Variants in ATP2C1 observed in about 807,000 individuals in gnomAD.
ATP2C1 encodes the protein calcium-transporting ATPase type 2C member 1.
In ATP2C1, 31 loss-of-function variants were observed where a neutral mutation model predicts 120.5. The observed-to-expected ratio is 0.26, with a 90% confidence interval of 0.19 to 0.35. The LOEUF (loss-of-function observed/expected upper bound fraction) is 0.35, where lower values mean the gene tolerates loss of function less well. Among genes scored for constraint, ATP2C1 ranks in the 10% least tolerant of loss-of-function variants. ATP2C1 has a pLI of 1.00. For missense variants in ATP2C1, 731 were observed against 1,107.5 expected, an observed-to-expected ratio of 0.66 and a Z score of 4.83; for synonymous variants, 351 against 358.7, an observed-to-expected ratio of 0.98 and a Z score of 0.24.
At chr3:130,984,926 A>G (rs1276364979) in intron 20 of ATP2C1, among the ~76,000 whole-genome samples, 1 of 151,920 alleles carries the variant, frequency 6.6e-6, no homozygotes, top group Non-Finnish European at 1.5e-5. Flanking sequence ...ACAGAAAGAT[A>G]TAACATAGGA....
intron 1 of ATP2C1, chr3:130,867,900 G>C (rs1037628334): frequency 3.2e-5 from 7 of 215,426 alleles, no homozygotes; most frequent in Non-Finnish European, 6.6e-5. Context: ...GTCTCTGCCC[G>C]GCCGCCCATC....
At chr3:130,898,642 A>C (rs1268023267) in intron 2 of ATP2C1, among the ~76,000 whole-genome samples, 1 of 152,174 alleles carries the variant, frequency 6.6e-6, no homozygotes, top group African/African-American at 2.4e-5. Context: ...GTATGCAATA[A>C]CCTTCTGACA....
chr3:131,013,296 A>G (rs758704821), intron 26 of ATP2C1, among the ~76,000 whole-genome samples: 8 of 152,292 alleles, frequency 5.3e-5, no homozygotes, highest in Admixed American at 1.3e-4. Flanking sequence ...CATGATATGT[A>G]TATCTGATAT....
At chr3:130,950,418 A>G (rs2060321699) in intron 8 of ATP2C1, among the ~76,000 whole-genome samples, 1 of 152,062 alleles carries the variant, frequency 6.6e-6, no homozygotes, top group Non-Finnish European at 1.5e-5. Context: ...TCCCTCTCTC[A>G]TGAATGCAAT....
chr3:130,898,819 T>C (rs1223421690), intron 2 of ATP2C1, among the ~76,000 whole-genome samples: 2 of 152,152 alleles, frequency 1.3e-5, no homozygotes, highest in African/African-American at 4.8e-5. Context: ...CCATGATCTG[T>C]TTTGCAAGGT....
In ATP2C1 at chr3:130,990,070, T is replaced by G. The variant is rs145293018; in HGVS notation, c.1840-2881T>G. ...TTACAGTGCAGCTGAGTCTTTTGTT[T>G]AAGAAAATAATACTTTTTTTATTTA... On this transcript the variant is annotated intron_variant, in intron 20 of 27. Coordinates refer to ENST00000510168, the MANE Select transcript of ATP2C1 (RefSeq NM_001378687.1). Among the ~76,000 whole-genome samples the G allele has an allele frequency of 9.7e-3, 1,483 of 152,312 alleles. 15 individuals carry two copies. The highest frequency in any genetic ancestry group is 0.011 in the Non-Finnish European group (766 of 68,014).
chr3:130,928,356 C>T (rs533742057), intron 2 of ATP2C1: 4 of 152,064 alleles, frequency 2.6e-5, no homozygotes, highest in Admixed American at 6.6e-5. Context: ...GAAATAATAC[C>T]GTTTCCTACT....
chr3:130,944,645 A>G (rs1050753918), intron 8 of ATP2C1, among the ~76,000 whole-genome samples: 4 of 152,230 alleles, frequency 2.6e-5, no homozygotes, highest in African/African-American at 9.6e-5. Flanking sequence ...ACTTTTTGGG[A>G]TACATAGTTA....
At chr3:130,951,423 G>T (rs1426135451) in intron 8 of ATP2C1, among the ~76,000 whole-genome samples, 2 of 152,116 alleles carry the variant, frequency 1.3e-5, no homozygotes, top group Non-Finnish European at 2.9e-5. Flanking sequence ...AGGATTAAAT[G>T]TGATAATTTA....
intron 20 of ATP2C1, among the ~76,000 whole-genome samples, chr3:130,985,663 A>G (rs1181463316): frequency 6.6e-6 from 1 of 151,788 alleles, no homozygotes; most frequent in Non-Finnish European, 1.5e-5. Flanking sequence ...CCCACCAAAA[A>G]AAAAAACCAA....
intron 10 of ATP2C1, chr3:130,955,734 A>G (rs992878173): frequency 5.7e-5 from 13 of 229,570 alleles, no homozygotes; most frequent in Admixed American, 2.1e-4. Context: ...GGTTACTAGC[A>G]TGTTTGTGGA....
intron 2 of ATP2C1, among the ~76,000 whole-genome samples, chr3:130,909,074 C>A (rs919831213): frequency 1.3e-5 from 2 of 152,172 alleles, no homozygotes; most frequent in African/African-American, 4.8e-5. Context: ...CTGATTATGC[C>A]ACTGTTCTTT....
downstream of ATP2C1, among the ~76,000 whole-genome samples, chr3:131,007,233 A>T (rs2063150351): frequency 6.6e-6 from 1 of 152,200 alleles, no homozygotes; most frequent in South Asian, 2.1e-4. Context: ...GTGAACATAT[A>T]TGATGTAACA....
chr3:130,972,358 T>C (rs2061354289), intron 17 of ATP2C1, among the ~76,000 whole-genome samples: 1 of 152,160 alleles, frequency 6.6e-6, no homozygotes, highest in Non-Finnish European at 1.5e-5. Flanking sequence ...CTTTGTTCAT[T>C]GGAAGCACTT....
At chr3:130,927,488 G>A (rs530124451) in intron 2 of ATP2C1, among the ~76,000 whole-genome samples, 101 of 152,182 alleles carry the variant, frequency 6.6e-4, no homozygotes, top group South Asian at 2.3e-3. Flanking sequence ...TGAACCGCCC[G>A]CTTCAGCCTC....
At chr3:130,944,484 A>G (rs1352862789) in intron 8 of ATP2C1, among the ~76,000 whole-genome samples, 3 of 152,216 alleles carry the variant, frequency 2.0e-5, no homozygotes, top group Admixed American at 6.5e-5. Flanking sequence ...GAGTCCTCAC[A>G]TGGCGGAGAC....
intron 17 of ATP2C1, among the ~76,000 whole-genome samples, chr3:130,969,977 T>C (rs1202395245): frequency 6.6e-6 from 1 of 152,216 alleles, no homozygotes; most frequent in East Asian, 1.9e-4. Context: ...ATTATATCAC[T>C]CATAGTTGCT....
chr3:130,900,972 A>G (rs922047049), intron 2 of ATP2C1, among the ~76,000 whole-genome samples: 8 of 152,108 alleles, frequency 5.3e-5, no homozygotes, highest in Admixed American at 6.6e-5. Flanking sequence ...ACCTGCCTTC[A>G]TCTAGGTTTC....
chr3:130,857,132 A>T (rs1457948340), intron 1 of ATP2C1, among the ~76,000 whole-genome samples: 2 of 152,246 alleles, frequency 1.3e-5, no homozygotes, highest in African/African-American at 4.8e-5. Context: ...GAACTATTTT[A>T]TTATGGTAAT....
Sources: allele counts gnomAD v4.1 joint callset (sites outside exome capture counted in the v4.1 genomes callset), GRCh38; gene constraint gnomAD v4.1.1; transcripts MANE v1.5; gene names NCBI Gene and HGNC (gene_info 2026-07-23, HGNC 2026-07-21).